SYNDIG1L: variants seen among roughly 807,000 people sequenced by gnomAD.
The protein encoded by SYNDIG1L is synapse differentiation inducing 1 like.
A neutral mutation model predicts 20.1 loss-of-function variants in SYNDIG1L; 13 were observed. That is an observed-to-expected ratio of 0.65 (90% CI 0.42 to 1.03). The LOEUF is 1.03. Ranked by LOEUF, SYNDIG1L falls within the 50% of genes least tolerant of loss-of-function variation. The pLI, the probability that SYNDIG1L is intolerant of heterozygous loss-of-function variation, is 0.00. For missense variants in SYNDIG1L, 294 were observed against 305.1 expected (o/e 0.96, Z 0.27); for synonymous variants, 128 against 129.3 (o/e 0.99, Z 0.07).
At chr14:74,423,563 G>A (rs773707691) in intron 1 of SYNDIG1L, among the ~76,000 whole-genome samples, 13 of 152,132 alleles carry the variant, frequency 8.5e-5, no homozygotes, top group Non-Finnish European at 1.6e-4. Flanking sequence ...ATAATTCGGC[G>A]AGGTCACTGG....
At chr14:74,473,570 G>T in the SYNDIG1L span, among the ~76,000 whole-genome samples, 2 of 151,860 alleles carry the variant, frequency 1.3e-5, no homozygotes, top group African/African-American at 4.8e-5. Context: ...CTTCCTTTTT[G>T]CTGCCATGGC....
chr14:74,443,262 G>C, the SYNDIG1L span, among the ~76,000 whole-genome samples: 1 of 152,216 alleles, frequency 6.6e-6, no homozygotes, highest in Non-Finnish European at 1.5e-5. Flanking sequence ...TCACAGAAGT[G>C]AAGGAATTCA....
chr14:74,436,128 A>G, the SYNDIG1L span, among the ~76,000 whole-genome samples: 5 of 152,254 alleles, frequency 3.3e-5, no homozygotes, highest in African/African-American at 1.2e-4. Flanking sequence ...TGGAATAAGG[A>G]CAAATACATA....
chr14:74,443,717 T>A, the SYNDIG1L span, among the ~76,000 whole-genome samples: 1 of 152,192 alleles, frequency 6.6e-6, no homozygotes, highest in Non-Finnish European at 1.5e-5. Flanking sequence ...CAAAATGCAC[T>A]AAGCTCTCTT....
At chr14:74,416,275 CAA>C (rs2086173925) in intron 1 of SYNDIG1L, among the ~76,000 whole-genome samples, 1 of 152,004 alleles carries the variant, frequency 6.6e-6, no homozygotes, top group Non-Finnish European at 1.5e-5. Flanking sequence ...TTTCACAAAA[CAA>C]ATTGAATTGT....
intron 1 of SYNDIG1L, among the ~76,000 whole-genome samples, chr14:74,422,063 C>A (rs777044973): frequency 5.9e-5 from 9 of 152,278 alleles, no homozygotes; most frequent in Non-Finnish European, 1.2e-4. Flanking sequence ...AGGTGGAAAT[C>A]AAATCTTTTT....
chr14:74,455,807 T>C, the SYNDIG1L span, among the ~76,000 whole-genome samples: 2 of 152,170 alleles, frequency 1.3e-5, no homozygotes, highest in African/African-American at 4.8e-5. Flanking sequence ...CAAGGCCTTC[T>C]TTACCGCAGT....
intron 1 of SYNDIG1L, among the ~76,000 whole-genome samples, chr14:74,414,521 T>C (rs1390293211): frequency 6.6e-6 from 1 of 152,138 alleles, no homozygotes; most frequent in Non-Finnish European, 1.5e-5. Flanking sequence ...AGGAAACCAT[T>C]CAGGAATCCG....
the SYNDIG1L span, among the ~76,000 whole-genome samples, chr14:74,443,301 T>C: frequency 2.6e-5 from 4 of 152,156 alleles, no homozygotes; most frequent in African/African-American, 9.7e-5. Flanking sequence ...GAGGGAGTGC[T>C]CAGTTGTGTG....
At chr14:74,421,307 A>T (rs962808331) in intron 1 of SYNDIG1L, among the ~76,000 whole-genome samples, 2 of 152,216 alleles carry the variant, frequency 1.3e-5, no homozygotes, top group African/African-American at 4.8e-5. Flanking sequence ...AGACCTTTCA[A>T]TGTAAAAGAA....
intron 1 of SYNDIG1L, among the ~76,000 whole-genome samples, chr14:74,423,411 G>A (rs73311267): frequency 0.014 from 2,125 of 152,254 alleles, 45 homozygotes; most frequent in African/African-American, 0.048. Flanking sequence ...TGCTGCTGCC[G>A]TCACTTTGTT....
chr14:74,413,075 G>A (rs2086145224), intron 1 of SYNDIG1L, among the ~76,000 whole-genome samples: 1 of 152,186 alleles, frequency 6.6e-6, no homozygotes, highest in Non-Finnish European at 1.5e-5. Flanking sequence ...AAAGATACCT[G>A]AAGACCATAG....
At chr14:74,425,287 G>A (rs548421837) in intron 1 of SYNDIG1L, among the ~76,000 whole-genome samples, 2 of 152,364 alleles carry the variant, frequency 1.3e-5, no homozygotes, top group African/African-American at 4.8e-5. Context: ...CATGCGCCAA[G>A]AGATGTGATG....
the SYNDIG1L span, among the ~76,000 whole-genome samples, chr14:74,478,816 T>C: frequency 2.7e-3 from 414 of 152,208 alleles, 1 homozygote; most frequent in African/African-American, 9.7e-3. Flanking sequence ...ATTTAGAGAG[T>C]ATATACTATA....
At position 74,412,870 on chromosome 14, in the gene SYNDIG1L, C is replaced by T. The variant is rs558205847; in HGVS notation, c.-57-3069G>A. ...CCCCCAGCTGGCCATAATGTATGTC[C>T]CTTCAACCTGCAGCCTCGAGTCAGG... is the stretch of plus-strand genomic sequence containing the variant. On this transcript the variant is annotated intron_variant, in intron 1 of 3. Coordinates refer to ENST00000331628, the MANE Select transcript of SYNDIG1L (RefSeq NM_001105579.2). 1.8e-4 allele frequency among the ~76,000 whole-genome samples: 27 copies of T among 152,284 alleles called. 1 individual carries two copies. The South Asian group carries it at 5.2e-3, about 29-fold the overall frequency.
the SYNDIG1L span, among the ~76,000 whole-genome samples, chr14:74,460,691 A>T: frequency 6.6e-6 from 1 of 152,084 alleles, no homozygotes; most frequent in Non-Finnish European, 1.5e-5. Context: ...GCTGGAGTGC[A>T]GTGGTGTGGT....
chr14:74,478,504 G>C, the SYNDIG1L span, among the ~76,000 whole-genome samples: 3 of 152,314 alleles, frequency 2.0e-5, no homozygotes, highest in South Asian at 6.2e-4. Flanking sequence ...CCTAGCTAGA[G>C]GCAAGTACTC....
intron 1 of SYNDIG1L, among the ~76,000 whole-genome samples, chr14:74,419,926 G>A (rs2086208145): frequency 6.6e-6 from 1 of 151,982 alleles, no homozygotes; most frequent in South Asian, 2.1e-4. Flanking sequence ...GGAGAGGTGG[G>A]AAGGCCTCCC....
At position 74,407,551 on chromosome 14, in the gene SYNDIG1L, T is replaced by G. The variant is rs1358656941; in HGVS notation, c.701A>C (p.Gln234Pro). The change falls in exon 4 of 4, where the codon CAG becomes CCG. Residue 234 changes from glutamine (Q) to proline (P), a missense_variant. Physicochemically the swap from Gln to Pro is moderately conservative, Grantham distance 76. Coordinates refer to ENST00000331628, the MANE Select transcript of SYNDIG1L (RefSeq NM_001105579.2). ...VVVALAAYMS[Q>P]NGHG ...TACTGGCTACTAGCCATGACCGTTC[T>G]GGGACATGTAAGCTGCCAGAGCCAC... is the stretch of plus-strand genomic sequence containing the variant. 3 of 1,613,934 alleles carry G rather than the reference T, an allele frequency of 1.9e-6. No homozygotes were observed. In the South Asian group the frequency reaches 3.3e-5, roughly 18 times the overall value.
Sources: allele counts gnomAD v4.1 joint callset (sites outside exome capture counted in the v4.1 genomes callset), GRCh38; gene constraint gnomAD v4.1.1; transcripts MANE v1.5; gene names NCBI Gene and HGNC (gene_info 2026-07-23, HGNC 2026-07-21).